Variants in TRAPPC6A observed in about 807,000 individuals in gnomAD.
TRAPPC6A encodes the protein trafficking protein particle complex subunit 6A.
TRAPPC6A carries 25 observed loss-of-function variants against 20.8 expected under a neutral mutation model. The observed-to-expected ratio is 1.20, with a 90% CI of 0.88 to 1.68. TRAPPC6A has a LOEUF of 1.68. Ranked by LOEUF, TRAPPC6A falls within the 40% of genes most tolerant of loss-of-function variation. The pLI, the probability that TRAPPC6A is intolerant of heterozygous loss-of-function variation, is 0.00. For missense variants in TRAPPC6A, 215 were observed against 211.6 expected (o/e 1.02, Z -0.10); for synonymous variants, 96 against 93.3 (o/e 1.03, Z -0.16).
Position 45,163,307 on chromosome 19 carries a change from G to T in TRAPPC6A, c.449-84C>A. The T allele has an allele frequency of 1.4e-6, 2 of 1,448,650 alleles. No individual in the cohort carries two copies. The highest frequency in any genetic ancestry group is 1.9e-6 in the Non-Finnish European group (2 of 1,040,968). 89.7% of individuals were successfully genotyped at this position (1,448,650 alleles called of 1,614,324 possible). On this transcript the variant is annotated intron_variant, in intron 5 of 5. Transcript: ENST00000585934. The surrounding 1 kb of genome is among the most constrained non-coding windows in gnomAD (Gnocchi z 5.3). ...GGACGGCTCTTAGGCGCTCACCCCCGTCCTGCACTGACACCCCAGTGGCTA... is the reference window on the plus strand; with the variant it reads ...GGACGGCTCTTAGGCGCTCACCCCCTTCCTGCACTGACACCCCAGTGGCTA...
intron 3 of TRAPPC6A, 115 bp downstream of exon 3, chr19:45,164,738 G>C: frequency 1.1e-6 from 1 of 945,614 alleles, no homozygotes; most frequent in South Asian, 1.4e-5. Context: ...GCCGCCTGTG[G>C]GAAAGCTCTG....
chr19:45,174,707 T>C (rs535007356), intron 1 of TRAPPC6A, among the ~76,000 whole-genome samples: 2 of 152,072 alleles, frequency 1.3e-5, no homozygotes, highest in Admixed American at 1.3e-4. Context: ...TGTGCACCTG[T>C]ACTCCTAGCT....
At chr19:45,171,626 G>C (rs1969270511) in intron 1 of TRAPPC6A, among the ~76,000 whole-genome samples, 1 of 152,148 alleles carries the variant, frequency 6.6e-6, no homozygotes, top group African/African-American at 2.4e-5. Flanking sequence ...CTGTAAGACA[G>C]ATAACACCTC....
intron 3 of TRAPPC6A, 53 bp downstream of exon 3, chr19:45,164,800 T>G: frequency 1.3e-6 from 2 of 1,543,662 alleles, no homozygotes; most frequent in Non-Finnish European, 1.8e-6. Context: ...CCTCCCACTC[T>G]CTTGGTCTTG....
intron 1 of TRAPPC6A, among the ~76,000 whole-genome samples, chr19:45,175,358 C>T (rs1164166394): frequency 6.7e-6 from 1 of 149,068 alleles, no homozygotes; most frequent in Non-Finnish European, 1.5e-5. Context: ...ACCCGGGAGG[C>T]GGAGCTTGCA....
At chr19:45,164,828 G>C (rs747956022) in intron 3 of TRAPPC6A, 25 bp downstream of exon 3, 1 of 1,603,818 alleles carries the variant, frequency 6.2e-7, no homozygotes, top group Non-Finnish European at 8.5e-7. Flanking sequence ...GAGGAAGCTG[G>C]ACGGGCAGGC....
chr19:45,170,841 T>C (rs1352809651), intron 1 of TRAPPC6A, among the ~76,000 whole-genome samples: 1 of 151,826 alleles, frequency 6.6e-6, no homozygotes, highest in Non-Finnish European at 1.5e-5. Flanking sequence ...AAAAGGGCTG[T>C]GGGGAATCAC....
In TRAPPC6A at chr19:45,164,964, G is replaced by C; in HGVS notation, c.159C>G (p.Pro53=). The part of the protein sequence containing the change: ...RVGQALGERL[P]RETLAFREEL... ...CCTCCCTGAAGGCCAGCGTCTCCCG[G>C]GGCAGCCTGGTGGGGCAGTACCAAG... The change falls in exon 3 of 6, where the codon CCC becomes CCG. Residue 53 remains proline, a synonymous_variant. Coordinates refer to ENST00000585934, the MANE Select transcript of TRAPPC6A (RefSeq NM_001270891.2). 1 of 1,614,120 alleles carries C rather than the reference G, an allele frequency of 6.2e-7. No individual in the cohort carries two copies. Among genetic ancestry groups the C allele is most frequent in the South Asian group, 1.1e-5 (1 of 91,088 alleles).
At chr19:45,169,388 C>A (rs911040579) in intron 1 of TRAPPC6A, among the ~76,000 whole-genome samples, 59 of 152,194 alleles carry the variant, frequency 3.9e-4, no homozygotes, top group African/African-American at 1.3e-3. Context: ...CCTCTACCTC[C>A]TGGGTTCAGG....
intron 1 of TRAPPC6A, among the ~76,000 whole-genome samples, chr19:45,171,493 G>A (rs1036531068): frequency 2.6e-5 from 4 of 152,092 alleles, no homozygotes; most frequent in African/African-American, 9.7e-5. Flanking sequence ...TATCAGTGTC[G>A]GTGCTAATGA....
At position 45,163,397 on chromosome 19, in the gene TRAPPC6A, G is replaced by A. The variant is rs1045741441; in HGVS notation, c.449-174C>T. 2.6e-5 allele frequency among the ~76,000 whole-genome samples: 4 copies of A among 152,182 alleles called. No homozygotes were observed. The highest frequency in any genetic ancestry group is 4.8e-5 in the African/African-American group (2 of 41,458). On this transcript the variant is annotated intron_variant, in intron 5 of 5. Coordinates refer to ENST00000585934, the MANE Select transcript of TRAPPC6A (RefSeq NM_001270891.2). The surrounding 1 kb of genome is among the most constrained non-coding windows in gnomAD (Gnocchi z 5.3). ...GAGCTGTGTGAGTAACCAGGAGCAT[G>A]AGGGCCACGGATGTGGCCCCAGGGA...
intron 1 of TRAPPC6A, among the ~76,000 whole-genome samples, chr19:45,171,767 CAG>C (rs1370387845): frequency 6.6e-6 from 1 of 152,138 alleles, no homozygotes; most frequent in African/African-American, 2.4e-5. Context: ...AAGAAATCAT[CAG>C]AGAGATCACA....
chr19:45,169,561 T>G (rs1969227759), intron 1 of TRAPPC6A, among the ~76,000 whole-genome samples: 1 of 152,220 alleles, frequency 6.6e-6, no homozygotes, highest in African/African-American at 2.4e-5. Context: ...TCCGGGAGCC[T>G]TACTTATTGC....
intron 1 of TRAPPC6A, 141 bp downstream of exon 1, chr19:45,177,994 A>G: frequency 6.8e-7 from 1 of 1,465,264 alleles, no homozygotes; most frequent in Non-Finnish European, 9.1e-7. Context: ...CACTTTCCAA[A>G]GGAGGAAGCC....
In TRAPPC6A at chr19:45,164,248, C is replaced by T. The variant is rs1969090579; in HGVS notation, c.271-1G>A. 2.5e-6 allele frequency: 4 copies of T among 1,598,830 alleles called. No homozygotes were observed. The highest frequency in any genetic ancestry group is 3.4e-6 in the Non-Finnish European group (4 of 1,171,996). On this transcript the variant is annotated splice_acceptor_variant, in intron 3 of 5. Coordinates refer to ENST00000585934, the MANE Select transcript of TRAPPC6A (RefSeq NM_001270891.2). LOFTEE classifies it high-confidence loss of function. ...TGTTGTCTTGCAGGACGTAGGTCCC[C>T]TGGGGGAGAGGAGAGGCTGGTGGGT... is the stretch of plus-strand genomic sequence containing the variant.
chr19:45,163,972 AG>A lies in TRAPPC6A; in HGVS notation c.391del (p.Leu131SerfsTer25). ...CACGCTCTCAATGCCCAGGGTATAG[AG>A]GGCGCCGCGCAGGAGGCCGCAGGTG... ...AFTCGLLRGA[L>X]YTLGIESVVT... On this transcript the variant is annotated frameshift_variant, in exon 5 of 6. Coordinates refer to ENST00000585934, the MANE Select transcript of TRAPPC6A (RefSeq NM_001270891.2). LOFTEE classifies it high-confidence loss of function. The surrounding 1 kb of genome is among the most constrained non-coding windows in gnomAD (Gnocchi z 5.3). The A allele has an allele frequency of 6.3e-7, 1 of 1,580,888 alleles. No homozygotes were observed. The highest frequency in any genetic ancestry group is 1.9e-5 in the Admixed American group (1 of 53,454).
At chr19:45,175,247 C>T (rs542184736) in intron 1 of TRAPPC6A, among the ~76,000 whole-genome samples, 4 of 138,076 alleles carry the variant, frequency 2.9e-5, no homozygotes, top group Non-Finnish European at 4.6e-5. Flanking sequence ...GGGGACAGAC[C>T]GAGACTCTGT....
At chr19:45,166,903 G>A (rs1969166938) in intron 1 of TRAPPC6A, among the ~76,000 whole-genome samples, 1 of 152,184 alleles carries the variant, frequency 6.6e-6, no homozygotes, top group South Asian at 2.1e-4. Context: ...GGGTCTCCCA[G>A]CCTGGAGAGC....
intron 1 of TRAPPC6A, among the ~76,000 whole-genome samples, chr19:45,169,062 G>A (rs1416848193): frequency 1.3e-5 from 2 of 152,230 alleles, no homozygotes; most frequent in African/African-American, 4.8e-5. Flanking sequence ...GCACAGCAGG[G>A]CCGGCCACAC....
Sources: gnomAD v4.1 joint callset for allele counts (sites outside exome capture counted in the v4.1 genomes callset) on GRCh38, gnomAD v4.1.1 for gene constraint, Gnocchi (gnomAD v3.1) non-coding constraint, MANE v1.5 for transcripts, NCBI Gene and HGNC (gene_info 2026-07-23, HGNC 2026-07-21) for gene names.